CKM: variants seen among roughly 807,000 people sequenced by gnomAD.
The protein encoded by CKM is creatine kinase, M-type, also known as creatine kinase M-type.
Under a neutral mutation model 35.4 loss-of-function variants are expected in CKM, and 28 were observed. The ratio of observed to expected loss-of-function variants is 0.79; its 90% CI spans 0.59 to 1.08. The LOEUF (loss-of-function observed/expected upper bound fraction) is 1.08. Ranked by LOEUF, CKM falls within the 50% of genes least tolerant of loss-of-function variation. CKM has a pLI of 0.00. For synonymous variants in CKM, 215 were observed against 204.4 expected (o/e 1.05, Z -0.44); for missense variants, 484 against 509.8 (o/e 0.95, Z 0.49).
Position 45,318,158 on chromosome 19 carries a change from A to T in CKM, c.194-179T>A, listed in dbSNP as rs560500225. Among the ~76,000 whole-genome samples the T allele has an allele frequency of 7.2e-5, 11 of 152,226 alleles. No homozygotes were observed. The East Asian group carries it at 2.1e-3, about 30-fold the overall frequency. The stretch of plus-strand genomic sequence containing the variant: ...CACAGTGGCTCATGCCTGCAATCCC[A>T]GCACTTTGGGAGGGTGAGGCGGGTG... On this transcript the variant is annotated intron_variant, in intron 2 of 7. Coordinates refer to ENST00000221476, the MANE Select transcript of CKM (RefSeq NM_001824.5).
At chr19:45,311,454 G>A (rs954441997) in intron 5 of CKM, among the ~76,000 whole-genome samples, 8 of 151,730 alleles carry the variant, frequency 5.3e-5, no homozygotes, top group Admixed American at 1.3e-4. Flanking sequence ...TCAAACTCCT[G>A]ACCTCAAGTG....
At chr19:45,319,461 T>A in intron 2 of CKM, 60 bp downstream of exon 2, 1 of 1,399,776 alleles carries the variant, frequency 7.1e-7, no homozygotes, top group Middle Eastern at 2.3e-4. Flanking sequence ...GATTGGGGCA[T>A]GGCCGGCAGC....
chr19:45,320,830 A>G (rs918563487), intron 1 of CKM, among the ~76,000 whole-genome samples: 1 of 152,076 alleles, frequency 6.6e-6, no homozygotes, highest in Non-Finnish European at 1.5e-5. Context: ...AAATGTGTGA[A>G]TACAGGTGTA....
intron 5 of CKM, among the ~76,000 whole-genome samples, chr19:45,311,312 C>T (rs1971107394): frequency 6.6e-6 from 1 of 151,540 alleles, no homozygotes; most frequent in African/African-American, 2.4e-5. Context: ...CGGCTCACTG[C>T]AACCTCCGCC....
At position 45,306,655 on chromosome 19, in the gene CKM, CA is replaced by C; in HGVS notation, c.*94del. On this transcript the variant is annotated 3_prime_UTR_variant, in exon 8 of 8. Transcript: ENST00000221476. This position sits in a 1 kb window ranked among gnomAD's most constrained non-coding sequence, Gnocchi z 4.5. ...AGAGCCCCCAGGTGGGACTCTGGGA[CA>C]GGGGGCGGGGCGAGGAGTGAGGGAG... 1.5e-6 allele frequency: 2 copies of C among 1,361,594 alleles called. No homozygotes were observed. Among genetic ancestry groups the C allele is most frequent in the Admixed American group, 1.7e-5 (1 of 59,026 alleles). 84.3% of individuals were successfully genotyped at this position (1,361,594 alleles called of 1,614,324 possible).
Position 45,311,890 on chromosome 19 carries a change from C to T in CKM, c.512G>A (p.Gly171Glu). The part of the protein sequence containing the change: ...ALNSLTGEFK[G>E]KYYPLKSMTE... ...CATGCTCTTCAGAGGGTAGTACTTC[C>T]CTTTGAACTCGCCCGTCAGGCTGTT... Residue 171 changes from glycine to glutamate, a missense_variant, in exon 5 of 8, where the codon GGG becomes GAG. Coordinates refer to ENST00000221476, the MANE Select transcript of CKM (RefSeq NM_001824.5). 1.2e-6 allele frequency: 2 copies of T among 1,614,062 alleles called. No homozygotes were observed. The highest frequency in any genetic ancestry group is 1.7e-6 in the Non-Finnish European group (2 of 1,179,966).
At chr19:45,308,228 A>G (rs1347892306) in intron 6 of CKM, among the ~76,000 whole-genome samples, 181 bp downstream of exon 6, 4 of 149,308 alleles carry the variant, frequency 2.7e-5, no homozygotes, top group African/African-American at 4.9e-5. Context: ...GGGGCCCTGA[A>G]AAGCGGGTGG....
In CKM at chr19:45,320,090, TTTC is replaced by T. The variant is rs1300406647; in HGVS notation, c.-18-362_-18-360del. Among the ~76,000 whole-genome samples, 3 of 129,038 alleles carry T rather than the reference TTTC, an allele frequency of 2.3e-5. No homozygotes were observed. The East Asian group carries it at 7.5e-4, about 32-fold the overall frequency. The allele number at this position is 129,038 out of a possible 152,430, so 84.7% of individuals were successfully genotyped here. A position where few individuals can be genotyped will look rare whatever the true frequency, so the allele number is the denominator to read the frequency against. On this transcript the variant is annotated intron_variant, in intron 1 of 7. Transcript: ENST00000221476. Reference sequence around the variant, plus strand: ...AGGCGTGAGCCACTGCACCCGGCCTTTTCTTCTTTTTTTTGAGATGGAGTCTCA... The same window carrying T: ...AGGCGTGAGCCACTGCACCCGGCCTTTTCTTTTTTTTGAGATGGAGTCTCA...
At chr19:45,312,002 G>A in intron 4 of CKM, 82 bp from the exon 5 acceptor site, 3 of 1,503,838 alleles carry the variant, frequency 2.0e-6, no homozygotes, top group Non-Finnish European at 1.8e-6. Context: ...CCCTGCTGCT[G>A]CTCCTAACGG....
chr19:45,307,469 CTCT>C lies in CKM; in HGVS notation c.956_958del (p.Lys319del), dbSNP rs772466021. The C allele has an allele frequency of 3.6e-5, 58 of 1,613,770 alleles. No homozygotes were observed. The highest frequency in any genetic ancestry group is 4.7e-5 in the Non-Finnish European group (55 of 1,179,856). On this transcript the variant is annotated inframe_deletion, in exon 7 of 8. Transcript: ENST00000221476. ...GGATGTGGGAGCCGTACCTGTACCC[CTCT>C]TCTGCAGACGCAGGCGGGTGAGGAT...
intron 5 of CKM, among the ~76,000 whole-genome samples, chr19:45,310,937 A>ATT (rs71173145): frequency 0.21 from 26,631 of 129,664 alleles, 3,014 homozygotes; most frequent in Non-Finnish European, 0.24. Flanking sequence ...CGCCGGGCTA[A>ATT]TTTTTTTTTT....
chr19:45,319,437 T>C (rs1213339283), intron 2 of CKM, 84 bp downstream of exon 2: 17 of 1,019,892 alleles, frequency 1.7e-5, no homozygotes, highest in Non-Finnish European at 2.4e-5. Flanking sequence ...CCCCCCCCCC[T>C]TCAAGGGTGG....
chr19:45,308,142 T>A (rs1331447740), intron 6 of CKM, among the ~76,000 whole-genome samples: 1 of 151,082 alleles, frequency 6.6e-6, no homozygotes, highest in Non-Finnish European at 1.5e-5. Flanking sequence ...ATTACAGGCG[T>A]GAGCCACCGC....
At chr19:45,312,861 C>T (rs894103187) in intron 4 of CKM, among the ~76,000 whole-genome samples, 13 of 149,838 alleles carry the variant, frequency 8.7e-5, no homozygotes, top group Admixed American at 4.7e-4. Flanking sequence ...GGCTGAGGCA[C>T]GAGAAACACT....
chr19:45,319,803 T>C, intron 1 of CKM, 72 bp from the exon 2 acceptor site: 1 of 1,334,938 alleles, frequency 7.5e-7, no homozygotes, highest in Admixed American at 2.0e-5. Flanking sequence ...TTCTTTTTTT[T>C]TTTTTGAGAC....
At chr19:45,308,672 A>G in intron 5 of CKM, 140 bp from the exon 6 acceptor site, 1 of 1,026,668 alleles carries the variant, frequency 9.7e-7, no homozygotes, top group South Asian at 1.3e-5. Flanking sequence ...GCCTCCTCAA[A>G]ACGCAGAAGC....
At chr19:45,314,047 G>A (rs1290236222) in intron 4 of CKM, among the ~76,000 whole-genome samples, 1 of 149,626 alleles carries the variant, frequency 6.7e-6, no homozygotes, top group Non-Finnish European at 1.5e-5. Context: ...AGAAAGAGAA[G>A]GAAGGAAGGA....
At position 45,306,923 on chromosome 19, in the gene CKM, C is replaced by T. The variant is rs747014280; in HGVS notation, c.973G>A (p.Val325Met). ...ACTGAGCCCACGGCAGCTGTGTCCACGCCACCTGTGGGAGCAAGGGACAGG... is the reference window on the plus strand; with the variant it reads ...ACTGAGCCCACGGCAGCTGTGTCCATGCCACCTGTGGGAGCAAGGGACAGG... ...LRLQKRGTGG[V>M]DTAAVGSVFD... The change falls in exon 8 of 8, where the codon GTG becomes ATG. Residue 325 changes from valine to methionine, a missense_variant. By Grantham distance (21) the Val-to-Met change is conservative. Coordinates refer to ENST00000221476, the MANE Select transcript of CKM (RefSeq NM_001824.5). The surrounding 1 kb of genome is among the most constrained non-coding windows in gnomAD (Gnocchi z 4.5). 91 of 1,613,662 alleles carry T rather than the reference C, an allele frequency of 5.6e-5. No individual in the cohort carries two copies. Among genetic ancestry groups the T allele is most frequent in the Non-Finnish European group, 7.0e-5 (83 of 1,180,038 alleles).
intron 4 of CKM, among the ~76,000 whole-genome samples, chr19:45,312,782 C>T (rs1457711672): frequency 1.1e-4 from 17 of 151,708 alleles, no homozygotes; most frequent in African/African-American, 3.9e-4. Flanking sequence ...GGTGAAACCC[C>T]GTCTCCACTA....
Sources: gnomAD v4.1 joint callset for allele counts (sites outside exome capture counted in the v4.1 genomes callset) on GRCh38, gnomAD v4.1.1 for gene constraint, Gnocchi (gnomAD v3.1) non-coding constraint, MANE v1.5 for transcripts, NCBI Gene and HGNC (gene_info 2026-07-23, HGNC 2026-07-21) for gene names.